The following MCRIP1 variants were observed in gnomAD, a reference collection of about 807,000 sequenced individuals.
MCRIP1 encodes mapk-regulated corepressor-interacting protein 1.
A neutral mutation model predicts 14.4 loss-of-function variants in MCRIP1; 10 were observed. The observed-to-expected ratio is 0.70, with a 90% CI of 0.43 to 1.18. MCRIP1 has a LOEUF of 1.18. Among genes scored for constraint, MCRIP1 ranks in the 50% most tolerant of loss-of-function variants. MCRIP1 has a pLI of 0.00. For missense variants in MCRIP1, 119 were observed against 135.4 expected (o/e 0.88, Z 0.60); for synonymous variants, 53 against 55.7 (o/e 0.95, Z 0.21).
intron 1 of MCRIP1, 68 bp downstream of exon 1, chr17:81,833,170 G>A (rs2038557739): frequency 6.8e-6 from 1 of 146,644 alleles, no homozygotes; most frequent in Admixed American, 6.8e-5. Flanking sequence ...GGCGACACCA[G>A]GGCGGGGCCC....
At chr17:81,824,587 A>G in intron 1 of MCRIP1, 33 bp from the exon 2 acceptor site, 1 of 1,535,692 alleles carries the variant, frequency 6.5e-7, no homozygotes, top group Non-Finnish European at 8.7e-7. Flanking sequence ...CATGGGACGC[A>G]GGGCCACCCT....
chr17:81,823,025 C>T lies in MCRIP1; in HGVS notation c.*222G>A, dbSNP rs2038302430. On this transcript the variant is annotated 3_prime_UTR_variant, in exon 5 of 5. Coordinates refer to ENST00000455127, the MANE Select transcript of MCRIP1 (RefSeq NM_207368.5). This position sits in a 1 kb window ranked among gnomAD's most constrained non-coding sequence, Gnocchi z 6.0. ...GGCTGGGGGAGGGCAGGAGGGTGGG[C>T]AGGGCCCAGACCCCCATGATGGGGG... 2.0e-5 allele frequency: 12 copies of T among 603,882 alleles called. No homozygotes were observed. The highest frequency in any genetic ancestry group is 3.5e-5 in the Non-Finnish European group (12 of 340,536). The allele number at this position is 603,882 out of a possible 1,614,324, so 37.4% of individuals were successfully genotyped here.
At chr17:81,827,639 T>A (rs1038838814) in intron 1 of MCRIP1, among the ~76,000 whole-genome samples, 2 of 151,712 alleles carry the variant, frequency 1.3e-5, no homozygotes, top group Non-Finnish European at 2.9e-5. Context: ...GTAGGATTGC[T>A]TGAGCTTGGG....
intron 1 of MCRIP1, among the ~76,000 whole-genome samples, chr17:81,828,725 A>G (rs2038460830): frequency 1.3e-5 from 2 of 152,162 alleles, no homozygotes; most frequent in African/African-American, 4.8e-5. Context: ...ATGGAATGGG[A>G]GGAAGCTGCA....
Position 81,824,297 on chromosome 17 carries a change from G to A in MCRIP1, c.117C>T (p.Phe39=), listed in dbSNP as rs931488114. Residue 39 remains phenylalanine (F), a synonymous_variant, in exon 3 of 5, where the codon TTC becomes TTT. Coordinates refer to ENST00000455127, the MANE Select transcript of MCRIP1 (RefSeq NM_207368.5). ...FTPAHEENVR[F]IYEAWQGVER... ...GGCAGGCGCACCCACCTTCGTAAAT[G>A]AAGCGGACGTTCTCCTCGTGGGCTG... The A allele has an allele frequency of 1.1e-5, 17 of 1,535,894 alleles. No homozygotes were observed. The highest frequency in any genetic ancestry group is 3.5e-6 in the Non-Finnish European group (4 of 1,146,480).
Position 81,824,387 on chromosome 17 carries a change from G to T in MCRIP1, c.27C>A (p.Val9=), listed in dbSNP as rs1343410339. ...TGCTGGTCCTCTTGCCGTTGTACAC[G>T]ACTCTGGAGACGGGGGAGCTGGGGG... The part of the protein sequence containing the change: MTSSPVSR[V]VYNGKRTSSP... Residue 9 remains valine (V), a synonymous_variant, in exon 3 of 5, where the codon GTC becomes GTA. Transcript: ENST00000455127. 7 of 1,534,884 alleles carry T rather than the reference G, an allele frequency of 4.6e-6. No homozygotes were observed. The highest frequency in any genetic ancestry group is 5.2e-6 in the Non-Finnish European group (6 of 1,145,688).
In MCRIP1 at chr17:81,833,228, C is replaced by A. The variant is rs1203729393; in HGVS notation, c.-49+10G>T. On this transcript the variant is annotated intron_variant, in intron 1 of 4. Transcript: ENST00000455127. ...CCCGTCCCCGCCGCCCGGCGCCGCA[C>A]CCGCCTCACCTCGCCCCGACCCGCC... 6.7e-6 allele frequency: 1 copy of A among 149,820 alleles called. No individual in the cohort carries two copies. Among genetic ancestry groups the A allele is most frequent in the African/African-American group, 2.4e-5 (1 of 41,130 alleles). 9.3% of individuals were successfully genotyped at this position (149,820 alleles called of 1,614,324 possible).
rs1453684685 is a variant in MCRIP1 at position 81,824,409 on chromosome 17, G to A, written c.9-4C>T. On this transcript the variant is annotated splice_region_variant and splice_polypyrimidine_tract_variant and intron_variant, in intron 2 of 4. Transcript: ENST00000455127. ...CACGACTCTGGAGACGGGGGAGCTG[G>A]GGGAGCCTGGCGCATGAGACAGGGC... The A allele has an allele frequency of 1.3e-6, 2 of 1,533,718 alleles. No homozygotes were observed. Among genetic ancestry groups the A allele is most frequent in the Middle Eastern group, 1.7e-4 (1 of 5,956 alleles).
intron 1 of MCRIP1, among the ~76,000 whole-genome samples, chr17:81,829,569 C>T (rs2038478418): frequency 6.6e-6 from 1 of 152,230 alleles, no homozygotes; most frequent in Admixed American, 6.5e-5. Flanking sequence ...CTGCGCCTGA[C>T]AATTGCTAAC....
At chr17:81,832,879 G>A (rs915200762) in intron 1 of MCRIP1, among the ~76,000 whole-genome samples, 2 of 152,232 alleles carry the variant, frequency 1.3e-5, no homozygotes, top group African/African-American at 2.4e-5. Flanking sequence ...AGGAGACCGG[G>A]AAAGCGGGGC....
intron 1 of MCRIP1, among the ~76,000 whole-genome samples, chr17:81,826,845 C>T (rs935138359): frequency 1.5e-5 from 2 of 131,182 alleles, no homozygotes; most frequent in Non-Finnish European, 3.2e-5. Flanking sequence ...AAAGGCCAGG[C>T]GTGGTGGCTC....
At chr17:81,825,295 A>AT in intron 1 of MCRIP1, 1 of 1,108,802 alleles carries the variant, frequency 9.0e-7, no homozygotes, top group South Asian at 2.2e-5. Context: ...AATGGAGTCT[A>AT]TTTTGAGGCT....
chr17:81,831,538 AAAG>A (rs1342668524), intron 1 of MCRIP1, among the ~76,000 whole-genome samples: 1 of 152,166 alleles, frequency 6.6e-6, no homozygotes, highest in Non-Finnish European at 1.5e-5. Flanking sequence ...CTGGGGACTG[AAAG>A]AAGAGACTGC....
rs2038317227 is a variant in MCRIP1 at position 81,823,500 on chromosome 17, C to T, written c.141G>A (p.Val47=). 1 of 1,536,160 alleles carries T rather than the reference C, an allele frequency of 6.5e-7. No individual in the cohort carries two copies. The highest frequency in any genetic ancestry group is 8.7e-7 in the Non-Finnish European group (1 of 1,146,762). The change falls in exon 4 of 5, where the codon GTG becomes GTA. Residue 47 remains valine (V), a synonymous_variant. Transcript: ENST00000455127. The surrounding 1 kb of genome is among the most constrained non-coding windows in gnomAD (Gnocchi z 6.0). ...GCACCTGGCCTCGCAGGTCTCGCTCCACACCCTGCCAGGCTGCAGAGGCAG... is the reference window on the plus strand; with the variant it reads ...GCACCTGGCCTCGCAGGTCTCGCTCTACACCCTGCCAGGCTGCAGAGGCAG... ...VRFIYEAWQG[V]ERDLRGQVPG...
chr17:81,824,266 G>A, intron 3 of MCRIP1, 21 bp downstream of exon 3: 2 of 1,511,410 alleles, frequency 1.3e-6, no homozygotes, highest in Non-Finnish European at 1.8e-6. Flanking sequence ...GGCAGGAGCT[G>A]TGTGTGGCAG....
In MCRIP1 at chr17:81,823,798, C is replaced by T. The variant is rs995139750; in HGVS notation, c.128-285G>A. 3.4e-6 allele frequency: 2 copies of T among 584,464 alleles called. No homozygotes were observed. The highest frequency in any genetic ancestry group is 6.1e-6 in the Non-Finnish European group (2 of 328,520). The allele number at this position is 584,464 out of a possible 1,614,324, so 36.2% of individuals were successfully genotyped here. A position where few individuals can be genotyped will look rare whatever the true frequency, so the allele number is the denominator to read the frequency against. On this transcript the variant is annotated intron_variant, in intron 3 of 4. Coordinates refer to ENST00000455127, the MANE Select transcript of MCRIP1 (RefSeq NM_207368.5). This position sits in a 1 kb window ranked among gnomAD's most constrained non-coding sequence, Gnocchi z 6.0. ...GCTTCCCTGCGCCTCGGAGGCAGCG[C>T]ATCCTCCTCAGCTAGGCCTCTATCT...
In MCRIP1 at chr17:81,823,523, C is replaced by T; in HGVS notation, c.128-10G>A. The stretch of plus-strand genomic sequence containing the variant: ...TCCACACCCTGCCAGGCTGCAGAGG[C>T]AGAGAGTGGTGTGCTCAGGGCCCCC... On this transcript the variant is annotated splice_polypyrimidine_tract_variant and intron_variant, in intron 3 of 4. Transcript: ENST00000455127. The surrounding 1 kb of genome is among the most constrained non-coding windows in gnomAD (Gnocchi z 6.0). 6.5e-7 allele frequency: 1 copy of T among 1,535,606 alleles called. No homozygotes were observed. The highest frequency in any genetic ancestry group is 8.7e-7 in the Non-Finnish European group (1 of 1,146,506).
chr17:81,831,173 C>CAA (rs552681742), intron 1 of MCRIP1, among the ~76,000 whole-genome samples: 7 of 114,038 alleles, frequency 6.1e-5, no homozygotes, highest in East Asian at 2.3e-4. Context: ...CTCTGTCTCT[C>CAA]AAAAAAAAAA....
chr17:81,824,961 G>A lies in MCRIP1; in HGVS notation c.-48-407C>T, dbSNP rs1021132543. 8.4e-6 allele frequency: 9 copies of A among 1,076,662 alleles called. No individual in the cohort carries two copies. In the African/African-American group the frequency reaches 1.3e-4, roughly 16 times the overall value. The allele number at this position is 1,076,662 out of a possible 1,614,324, so 66.7% of individuals were successfully genotyped here. A position where few individuals can be genotyped will look rare whatever the true frequency, so the allele number is the denominator to read the frequency against. Reference sequence around the variant, plus strand: ...TGCCTCTCACTGCAGCAGAGGGCCTGCAGCCCCTCAGCTAACTGACCCTGC... The same window carrying A: ...TGCCTCTCACTGCAGCAGAGGGCCTACAGCCCCTCAGCTAACTGACCCTGC... On this transcript the variant is annotated intron_variant, in intron 1 of 4. Transcript: ENST00000455127.
Sources: allele counts gnomAD v4.1 joint callset (sites outside exome capture counted in the v4.1 genomes callset), GRCh38; gene constraint gnomAD v4.1.1; non-coding constraint Gnocchi (gnomAD v3.1); transcripts MANE v1.5; gene names NCBI Gene and HGNC (gene_info 2026-07-23, HGNC 2026-07-21).